Variants in MTA3 observed in about 807,000 individuals in gnomAD.
MTA3 encodes the protein metastasis-associated protein MTA3.
In MTA3, 34 loss-of-function variants were observed where a neutral mutation model predicts 83.5. That is an observed-to-expected ratio of 0.41 (90% CI 0.31 to 0.54). MTA3 has a LOEUF of 0.54. Among genes scored for constraint, MTA3 ranks in the 20% least tolerant of loss-of-function variants. The pLI is 0.33. For synonymous variants in MTA3, 303 were observed against 252.7 expected, an observed-to-expected ratio of 1.20 and a Z score of -1.89; for missense variants, 761 against 726.4, an observed-to-expected ratio of 1.05 and a Z score of -0.55.
chr2:42,545,515 G>T (rs1180568177), intron 2 of MTA3, among the ~76,000 whole-genome samples: 1 of 152,148 alleles, frequency 6.6e-6, no homozygotes, highest in Admixed American at 6.6e-5. Context: ...AGAGTGGGAG[G>T]TTCCCAGATA....
chr2:42,496,609 A>G (rs1203660902), intron 2 of MTA3, among the ~76,000 whole-genome samples: 16 of 17,494 alleles, frequency 9.1e-4, no homozygotes, highest in Admixed American at 2.4e-3. Flanking sequence ...AGAACCTAGG[A>G]AAAAAAAAAA....
intron 2 of MTA3, among the ~76,000 whole-genome samples, chr2:42,556,328 A>G (rs926291862): frequency 3.9e-5 from 6 of 152,284 alleles, no homozygotes; most frequent in African/African-American, 1.4e-4. Context: ...CAGGGCCCCC[A>G]GCTTTCTCTT....
upstream of MTA3, among the ~76,000 whole-genome samples, chr2:42,566,636 T>C (rs772672739): frequency 2.6e-5 from 4 of 152,212 alleles, no homozygotes; most frequent in African/African-American, 9.6e-5. Context: ...TCACCATTTA[T>C]TGTGGTTAGC....
intron 4 of MTA3, among the ~76,000 whole-genome samples, chr2:42,631,557 C>G (rs1415876038): frequency 6.6e-6 from 1 of 151,784 alleles, no homozygotes; most frequent in Non-Finnish European, 1.5e-5. Context: ...TCATGTGGTA[C>G]AAGATATATT....
intron 2 of MTA3, among the ~76,000 whole-genome samples, chr2:42,525,627 T>TTCCTTCCTTCCTTCCTTCCTTCC (rs1224256361): frequency 9.1e-4 from 114 of 125,320 alleles, no homozygotes; most frequent in Middle Eastern, 4.1e-3. Context: ...TCCTTCCTAC[T>TTCCTTCCTTCCTTCCTTCCTTCC]TTCTTTCTTT....
intron 2 of MTA3, among the ~76,000 whole-genome samples, chr2:42,539,021 G>A (rs1457509336): frequency 5.3e-5 from 8 of 151,650 alleles, no homozygotes; most frequent in Admixed American, 4.6e-4. Context: ...TGATCCACCC[G>A]CCTCGGCCTC....
intron 2 of MTA3, among the ~76,000 whole-genome samples, chr2:42,503,008 T>C (rs761880311): frequency 1.3e-3 from 188 of 147,540 alleles, no homozygotes; most frequent in Non-Finnish European, 1.8e-3. Context: ...AGGAAAGGGG[T>C]CCTGATCCAG....
chr2:42,697,788 G>C lies in MTA3; in HGVS notation c.979G>C (p.Ala327Pro). The change falls in exon 11 of 17, where the codon GCA (alanine) becomes CCA (proline). Residue 327 changes from alanine (A) to proline (P), a missense_variant. Transcript: ENST00000405094. ...DRYVQQKRLK[A>P]AEAESKLKQV... ...TCTTTTGAATTAGAAACGTCTAAAA[G>C]CAGCAGAAGCTGAGAGTAAACTGAA... 1 of 1,542,780 alleles carries C rather than the reference G, an allele frequency of 6.5e-7. No individual in the cohort carries two copies. The highest frequency in any genetic ancestry group is 8.7e-7 in the Non-Finnish European group (1 of 1,145,536).
intron 3 of MTA3, among the ~76,000 whole-genome samples, chr2:42,600,447 G>T (rs1260349035): frequency 1.3e-5 from 2 of 151,608 alleles, no homozygotes; most frequent in African/African-American, 4.8e-5. Context: ...ACTGGTTAAA[G>T]GTTTGAAAAA....
chr2:42,754,432 T>A lies in MTA3; in HGVS notation c.*1033T>A. ...CATGTGACCTAGGCCCCGGGGGACC[T>A]GCCTGCTCCTTTGGCTTGGGCTCTT... On this transcript the variant is annotated 3_prime_UTR_variant, in exon 17 of 17. Coordinates refer to ENST00000405094, the MANE Select transcript of MTA3 (RefSeq NM_001330442.2). 1 of 985,538 alleles carries A rather than the reference T, an allele frequency of 1.0e-6. No homozygotes were observed. Among genetic ancestry groups the A allele is most frequent in the Non-Finnish European group, 1.2e-6 (1 of 830,048 alleles). The allele number at this position is 985,538 out of a possible 1,614,324, so 61.0% of individuals were successfully genotyped here.
At chr2:42,655,420 G>A (rs932206358) in intron 6 of MTA3, among the ~76,000 whole-genome samples, 17 of 151,836 alleles carry the variant, frequency 1.1e-4, no homozygotes, top group Admixed American at 3.3e-4. Context: ...TGGTGCATTC[G>A]TACCCTTTAG....
intron 2 of MTA3, among the ~76,000 whole-genome samples, chr2:42,555,455 C>A (rs375221790): frequency 2.4e-3 from 132 of 54,252 alleles, no homozygotes; most frequent in East Asian, 7.0e-3. Flanking sequence ...AACTCCATCT[C>A]AAAAAAAAAA....
chr2:42,701,335 C>T (rs1665530653), intron 11 of MTA3, among the ~76,000 whole-genome samples: 1 of 142,456 alleles, frequency 7.0e-6, no homozygotes, highest in East Asian at 2.1e-4. Flanking sequence ...CATGGTGGCT[C>T]ACACCTGTTG....
intron 2 of MTA3, among the ~76,000 whole-genome samples, chr2:42,518,189 A>G (rs902191556): frequency 2.0e-5 from 3 of 152,180 alleles, no homozygotes; most frequent in Admixed American, 6.5e-5. Context: ...TCAAAAAAAA[A>G]GAAAATAAAA....
intron 2 of MTA3, among the ~76,000 whole-genome samples, chr2:42,542,641 T>G (rs1051565016): frequency 3.9e-5 from 6 of 151,970 alleles, no homozygotes; most frequent in African/African-American, 9.7e-5. Context: ...AACCTCCACC[T>G]CCCGGGTTCA....
intron 2 of MTA3, among the ~76,000 whole-genome samples, chr2:42,552,352 T>C (rs554392749): frequency 2.4e-4 from 36 of 152,294 alleles, no homozygotes; most frequent in African/African-American, 8.7e-4. Context: ...GATAAATTAA[T>C]GAATAATACA....
intron 2 of MTA3, among the ~76,000 whole-genome samples, chr2:42,506,723 C>T (rs1366845675): frequency 6.6e-6 from 1 of 151,792 alleles, no homozygotes; most frequent in Non-Finnish European, 1.5e-5. Flanking sequence ...CTCACTGCAA[C>T]CTCTGTCCCA....
At chr2:42,567,923 C>A (rs1677997108), upstream of MTA3, 2 of 152,258 alleles carry the variant, frequency 1.3e-5, no homozygotes, top group African/African-American at 2.4e-5. Context: ...CCGTCTAGAG[C>A]CAGGGCCTCC....
intron 8 of MTA3, among the ~76,000 whole-genome samples, chr2:42,664,149 G>C (rs1690001867): frequency 6.6e-6 from 1 of 152,032 alleles, no homozygotes. Flanking sequence ...CTTTCTTTGA[G>C]GCAGCACTGA....
Sources: gnomAD v4.1 joint callset for allele counts (sites outside exome capture counted in the v4.1 genomes callset) on GRCh38, gnomAD v4.1.1 for gene constraint, MANE v1.5 for transcripts, NCBI Gene and HGNC (gene_info 2026-07-23, HGNC 2026-07-21) for gene names.